Variants in CADPS2 observed in about 807,000 individuals in gnomAD.
CADPS2 encodes the protein calcium-dependent secretion activator 2.
CADPS2 carries 93 observed loss-of-function variants against 172.5 expected under a neutral mutation model. The observed-to-expected ratio is 0.54, with a 90% CI of 0.46 to 0.64. The LOEUF (loss-of-function observed/expected upper bound fraction) is 0.64. Among genes scored for constraint, CADPS2 ranks in the 30% least tolerant of loss-of-function variants. CADPS2 has a pLI of 0.00. For synonymous variants in CADPS2, 546 were observed against 555.2 expected (o/e 0.98, Z 0.23); for missense variants, 1,420 against 1,565.9 (o/e 0.91, Z 1.57).
chr7:122,582,245 T>G (rs1587556007), intron 6 of CADPS2, among the ~76,000 whole-genome samples: 1 of 152,146 alleles, frequency 6.6e-6, no homozygotes, highest in Non-Finnish European at 1.5e-5. Context: ...GCTGTCTACA[T>G]TTTATTTTAT....
At chr7:122,828,964 T>A (rs775441719) in intron 1 of CADPS2, among the ~76,000 whole-genome samples, 10 of 152,154 alleles carry the variant, frequency 6.6e-5, no homozygotes, top group Non-Finnish European at 1.2e-4. Context: ...ATTTTAGACT[T>A]CTCCTTTGGT....
intron 1 of CADPS2, among the ~76,000 whole-genome samples, chr7:122,877,085 A>G (rs970407813): frequency 6.6e-6 from 1 of 152,166 alleles, no homozygotes; most frequent in Non-Finnish European, 1.5e-5. Context: ...ATAATCAGGT[A>G]GAAATTACCC....
intron 2 of CADPS2, among the ~76,000 whole-genome samples, chr7:122,705,639 A>G (rs1371154826): frequency 2.1e-5 from 2 of 93,508 alleles, no homozygotes; most frequent in South Asian, 2.7e-4. Context: ...TATGATATAT[A>G]ATATATTATA....
chr7:122,705,694 A>AATATAT, intron 2 of CADPS2, among the ~76,000 whole-genome samples: 1 of 46,498 alleles, frequency 2.2e-5, no homozygotes, highest in Non-Finnish European at 4.0e-5. Context: ...ATCACATATT[A>AATATAT]TATATAATAT....
chr7:122,523,622 T>C (rs964721262), intron 8 of CADPS2, among the ~76,000 whole-genome samples: 2 of 152,138 alleles, frequency 1.3e-5, no homozygotes, highest in African/African-American at 4.8e-5. Context: ...TTTTGAAATA[T>C]GTGTACATTG....
rs1210729920 is a variant in CADPS2 at position 122,621,665 on chromosome 7, T to C, written c.920A>G (p.Glu307Gly). 6.2e-7 allele frequency: 1 copy of C among 1,613,460 alleles called. No homozygotes were observed. The highest frequency in any genetic ancestry group is 8.5e-7 in the Non-Finnish European group (1 of 1,179,496). The change falls in exon 5 of 30, where the codon GAA (glutamate) becomes GGA (glycine). Residue 307 changes from glutamate to glycine, a missense_variant. Glu to Gly is a moderately conservative substitution (Grantham distance 98, BLOSUM62 -2). Coordinates refer to ENST00000449022, the MANE Select transcript of CADPS2 (RefSeq NM_017954.11). ...CAAATTCACTGAAGACCGCAACTCTTCTATATACATATTCTCCATATCTTT... is the reference window on the plus strand; with the variant it reads ...CAAATTCACTGAAGACCGCAACTCTCCTATATACATATTCTCCATATCTTT... ...IAKDMENMYI[E>G]ELRSSVNLLM... is the part of the protein sequence containing the mutation.
At chr7:122,462,631 C>T (rs1429434440) in intron 14 of CADPS2, among the ~76,000 whole-genome samples, 7 of 152,044 alleles carry the variant, frequency 4.6e-5, no homozygotes, top group Admixed American at 1.3e-4. Context: ...ATTTATAAAA[C>T]ACTAAAGTAC....
chr7:122,834,435 G>A (rs1008952222), intron 1 of CADPS2, among the ~76,000 whole-genome samples: 1 of 152,046 alleles, frequency 6.6e-6, no homozygotes, highest in African/African-American at 2.4e-5. Flanking sequence ...TCAAACAGTG[G>A]GTGCAGGACA....
At chr7:122,709,711 G>A (rs993224923) in intron 2 of CADPS2, among the ~76,000 whole-genome samples, 4 of 152,056 alleles carry the variant, frequency 2.6e-5, no homozygotes, top group Non-Finnish European at 5.9e-5. Context: ...TATACACCAT[G>A]GAACACTATG....
chr7:122,586,910 ATTAT>A (rs1193661663), intron 6 of CADPS2, among the ~76,000 whole-genome samples: 1 of 151,990 alleles, frequency 6.6e-6, no homozygotes, highest in African/African-American at 2.4e-5. Context: ...GCTTTTAAAA[ATTAT>A]TTGTCACCAA....
intron 19 of CADPS2, among the ~76,000 whole-genome samples, chr7:122,410,319 G>A (rs1264818770): frequency 6.6e-6 from 1 of 151,984 alleles, no homozygotes; most frequent in East Asian, 1.9e-4. Flanking sequence ...ACTCCAGCCT[G>A]GGTGACAGAG....
At chr7:122,630,364 T>G (rs2076459921) in intron 3 of CADPS2, among the ~76,000 whole-genome samples, 1 of 150,756 alleles carries the variant, frequency 6.6e-6, no homozygotes. Flanking sequence ...GTAAGGCAAT[T>G]TATATGAAGA....
chr7:122,783,008 A>G (rs1399400376), intron 1 of CADPS2, among the ~76,000 whole-genome samples: 3 of 152,056 alleles, frequency 2.0e-5, no homozygotes, highest in Non-Finnish European at 4.4e-5. Context: ...AACAATAAAC[A>G]GCATATATCC....
chr7:122,572,045 G>A (rs967443729), intron 7 of CADPS2, among the ~76,000 whole-genome samples: 2 of 152,090 alleles, frequency 1.3e-5, no homozygotes, highest in African/African-American at 4.8e-5. Flanking sequence ...ATCTACATGT[G>A]AATGAAGAAA....
At chr7:122,765,659 GAAC>G (rs2093526043) in intron 1 of CADPS2, among the ~76,000 whole-genome samples, 1 of 152,036 alleles carries the variant, frequency 6.6e-6, no homozygotes, top group Non-Finnish European at 1.5e-5. Context: ...GGACTGTATA[GAAC>G]AACAATAAAA....
At chr7:122,402,448 A>G (rs1393923056) in intron 20 of CADPS2, among the ~76,000 whole-genome samples, 1 of 152,194 alleles carries the variant, frequency 6.6e-6, no homozygotes, top group East Asian at 1.9e-4. Context: ...TTCCACAGCT[A>G]GAAAATGAAG....
intron 27 of CADPS2, 22 bp from the exon 28 acceptor site, chr7:122,345,703 G>A (rs1199824532): frequency 1.4e-6 from 2 of 1,430,778 alleles, no homozygotes; most frequent in Non-Finnish European, 2.0e-6. Context: ...GAAAAGCAGG[G>A]GGAACAAAAT....
At chr7:122,777,312 T>C (rs2093915005) in intron 1 of CADPS2, among the ~76,000 whole-genome samples, 1 of 152,150 alleles carries the variant, frequency 6.6e-6, no homozygotes, top group African/African-American at 2.4e-5. Flanking sequence ...TGCCACCAAA[T>C]CCTTAGCAGA....
In CADPS2 at chr7:122,592,988, GAATA is replaced by G. The variant is rs141800604; in HGVS notation, c.1224-11702_1224-11699del. On this transcript the variant is annotated intron_variant, in intron 6 of 29. Transcript: ENST00000449022. The stretch of plus-strand genomic sequence containing the variant: ...TGTACCCTAGAACTTGAAGTAAAAT[GAATA>G]AATAAATAAATAAATAAATAAATAA... Among the ~76,000 whole-genome samples, 352 of 148,238 alleles carry G rather than the reference GAATA, an allele frequency of 2.4e-3. 2 individuals are homozygous for G. Among genetic ancestry groups the G allele is most frequent in the South Asian group, 0.012 (57 of 4,702 alleles).
Sources: allele counts gnomAD v4.1 joint callset (sites outside exome capture counted in the v4.1 genomes callset), GRCh38; gene constraint gnomAD v4.1.1; transcripts MANE v1.5; gene names NCBI Gene and HGNC (gene_info 2026-07-23, HGNC 2026-07-21).